PCDH9: variants seen among roughly 807,000 people sequenced by gnomAD.
PCDH9 encodes the protein protocadherin-9.
In PCDH9, 24 loss-of-function variants were observed where a neutral mutation model predicts 70.6. That is an observed-to-expected ratio of 0.34 (90% CI 0.25 to 0.48). The LOEUF is 0.48. Among genes scored for constraint, PCDH9 ranks in the 20% least tolerant of loss-of-function variants. The pLI is 0.99. For synonymous variants in PCDH9, 562 were observed against 558.5 expected, an observed-to-expected ratio of 1.01 and a Z score of -0.09; for missense variants, 1,281 against 1,503.6, an observed-to-expected ratio of 0.85 and a Z score of 2.45.
intron 3 of PCDH9, among the ~76,000 whole-genome samples, chr13:66,727,639 A>G (rs1294934434): frequency 6.6e-6 from 1 of 152,150 alleles, no homozygotes; most frequent in Non-Finnish European, 1.5e-5. Context: ...ATAGGCATAG[A>G]CTTAGATATA....
chr13:66,593,198 G>A (rs1011038609), intron 4 of PCDH9, among the ~76,000 whole-genome samples: 9 of 151,658 alleles, frequency 5.9e-5, no homozygotes, highest in Admixed American at 2.0e-4. Flanking sequence ...CAATGTTTAC[G>A]TATAGATGCC....
intron 4 of PCDH9, among the ~76,000 whole-genome samples, chr13:66,529,615 C>A (rs1425283849): frequency 6.6e-6 from 1 of 152,124 alleles, no homozygotes; most frequent in Admixed American, 6.6e-5. Flanking sequence ...ATTATGCAAT[C>A]TCTTTTTATT....
At chr13:66,909,714 C>A (rs9529155) in intron 2 of PCDH9, among the ~76,000 whole-genome samples, 89,320 of 151,944 alleles carry the variant, frequency 0.59, 26,457 homozygotes, top group African/African-American at 0.68. Context: ...GCTTGCAGTG[C>A]GCTGAGCATT....
intron 4 of PCDH9, among the ~76,000 whole-genome samples, chr13:66,454,142 C>T (rs1181953287): frequency 6.6e-6 from 1 of 151,540 alleles, no homozygotes; most frequent in Non-Finnish European, 1.5e-5. Flanking sequence ...CCAAATAAGA[C>T]TTGTTTTTTT....
At chr13:66,603,500 T>C (rs959987934) in intron 4 of PCDH9, among the ~76,000 whole-genome samples, 1 of 152,020 alleles carries the variant, frequency 6.6e-6, no homozygotes. Flanking sequence ...GGATTTAATG[T>C]AAAATCATAA....
chr13:66,854,239 C>T (rs984162026), intron 3 of PCDH9, among the ~76,000 whole-genome samples: 6 of 152,074 alleles, frequency 3.9e-5, no homozygotes, highest in Admixed American at 1.3e-4. Context: ...TTCTTTAAGC[C>T]TTTACTTTTC....
chr13:66,409,771 G>T (rs1957340356), intron 4 of PCDH9, among the ~76,000 whole-genome samples: 1 of 152,178 alleles, frequency 6.6e-6, no homozygotes, highest in African/African-American at 2.4e-5. Context: ...AGCAGGACAT[G>T]TTTGAGACAT....
intron 2 of PCDH9, among the ~76,000 whole-genome samples, chr13:66,958,878 C>G (rs1441670803): frequency 6.6e-6 from 1 of 152,122 alleles, no homozygotes. Flanking sequence ...TATACTTAGA[C>G]GTTTTTCTCA....
chr13:67,092,947 A>G (rs1173986004), intron 2 of PCDH9, among the ~76,000 whole-genome samples: 1 of 150,746 alleles, frequency 6.6e-6, no homozygotes, highest in African/African-American at 2.4e-5. Flanking sequence ...CTAGGCCACA[A>G]TGTAAAGAAG....
chr13:66,584,574 C>T (rs2076938072), intron 4 of PCDH9, among the ~76,000 whole-genome samples: 1 of 152,032 alleles, frequency 6.6e-6, no homozygotes, highest in African/African-American at 2.4e-5. Flanking sequence ...TTCATTATGC[C>T]GCTATAACAT....
At chr13:67,055,709 G>A (rs2085405818) in intron 2 of PCDH9, among the ~76,000 whole-genome samples, 1 of 152,134 alleles carries the variant, frequency 6.6e-6, no homozygotes, top group South Asian at 2.1e-4. Context: ...CTGAAGTGGC[G>A]GGATGCCATG....
intron 2 of PCDH9, chr13:67,223,497 C>A (rs2089778884): frequency 6.6e-6 from 1 of 152,004 alleles, no homozygotes; most frequent in Non-Finnish European, 1.5e-5. Flanking sequence ...TCATAAAATA[C>A]CATGTGTATT....
At chr13:67,160,246 T>G (rs954494631) in intron 2 of PCDH9, among the ~76,000 whole-genome samples, 14 of 152,206 alleles carry the variant, frequency 9.2e-5, no homozygotes, top group African/African-American at 3.4e-4. Context: ...ATTTCAGTTT[T>G]GATTAAAAAC....
chr13:66,569,186 AT>A (rs2076697549), intron 4 of PCDH9, among the ~76,000 whole-genome samples: 1 of 149,684 alleles, frequency 6.7e-6, no homozygotes, highest in African/African-American at 2.4e-5. Flanking sequence ...ATTTTATTTT[AT>A]TTTATTTTTT....
chr13:67,178,397 C>T lies in PCDH9; in HGVS notation c.3036+47008G>A, dbSNP rs186863032. On this transcript the variant is annotated intron_variant, in intron 2 of 4. Coordinates refer to ENST00000377865, the MANE Select transcript of PCDH9 (RefSeq NM_203487.3). ...AAGAATAAATGAGATATTTAGCACA[C>T]AATAACTATTTATCTAACATCCAAA... Among the ~76,000 whole-genome samples, 30 of 152,188 alleles carry T rather than the reference C, an allele frequency of 2.0e-4. No individual in the cohort carries two copies. In the Middle Eastern group the frequency reaches 0.01, roughly 52 times the overall value.
intron 3 of PCDH9, among the ~76,000 whole-genome samples, chr13:66,851,983 T>C (rs1002235620): frequency 1.3e-5 from 2 of 151,988 alleles, no homozygotes; most frequent in Non-Finnish European, 2.9e-5. Context: ...TTTCCTCTGA[T>C]TGTGGGTATG....
intron 3 of PCDH9, among the ~76,000 whole-genome samples, chr13:66,839,560 T>A (rs1170560937): frequency 6.6e-6 from 1 of 152,212 alleles, no homozygotes; most frequent in African/African-American, 2.4e-5. Flanking sequence ...TCAGTTCAGG[T>A]ATCTTACCTG....
intron 4 of PCDH9, among the ~76,000 whole-genome samples, chr13:66,425,991 T>C (rs1957661774): frequency 6.6e-6 from 1 of 151,630 alleles, no homozygotes; most frequent in Admixed American, 6.6e-5. Context: ...AAAGATAAGT[T>C]GTAGTCTAAT....
chr13:66,722,690 G>C (rs983492800), intron 3 of PCDH9, among the ~76,000 whole-genome samples: 1 of 152,022 alleles, frequency 6.6e-6, no homozygotes, highest in East Asian at 1.9e-4. Context: ...CCTATGTGCC[G>C]GGCGCGGTGG....
Sources: allele counts gnomAD v4.1 joint callset (sites outside exome capture counted in the v4.1 genomes callset), GRCh38; gene constraint gnomAD v4.1.1; transcripts MANE v1.5; gene names NCBI Gene and HGNC (gene_info 2026-07-23, HGNC 2026-07-21).